Variants in CEP350 observed in about 807,000 individuals in gnomAD.
CEP350 encodes centrosomal protein 350.
A neutral mutation model predicts 331.8 loss-of-function variants in CEP350; 126 were observed. That is an observed-to-expected ratio of 0.38 (90% CI 0.33 to 0.44). The LOEUF is 0.44. Among genes scored for constraint, CEP350 ranks in the 20% least tolerant of loss-of-function variants. The probability of loss-of-function intolerance (pLI) is 1.00; values close to 1 mark genes in which losing one functional copy is unlikely to be tolerated. For missense variants in CEP350, 3,406 were observed against 3,634.6 expected (o/e 0.94, Z 1.62); for synonymous variants, 1,200 against 1,259.5 (o/e 0.95, Z 1.00).
chr1:179,976,673 A>G (rs1651893295), intron 1 of CEP350, among the ~76,000 whole-genome samples: 1 of 151,978 alleles, frequency 6.6e-6, no homozygotes, highest in Non-Finnish European at 1.5e-5. Context: ...AAAGAAATAT[A>G]TGAATGTAAG....
chr1:180,099,933 C>A (rs1370691731), intron 37 of CEP350, among the ~76,000 whole-genome samples: 1 of 151,976 alleles, frequency 6.6e-6, no homozygotes, highest in Non-Finnish European at 1.5e-5. Flanking sequence ...TTACAGGCAC[C>A]TGCAACCATG....
intron 16 of CEP350, among the ~76,000 whole-genome samples, chr1:180,034,851 A>G (rs147283405): frequency 3.3e-5 from 5 of 152,248 alleles, no homozygotes; most frequent in African/African-American, 4.8e-5. Flanking sequence ...TAACCCTACA[A>G]TGGTCTCTAA....
chr1:180,022,777 A>G lies in CEP350; in HGVS notation c.3315A>G (p.Ser1105=), dbSNP rs377126502. 54 of 1,608,160 alleles carry G rather than the reference A, an allele frequency of 3.4e-5. No individual in the cohort carries two copies. The highest frequency in any genetic ancestry group is 4.3e-5 in the Non-Finnish European group (51 of 1,176,888). ...CCGCAACTCCTCTAAGTGGTGTTTC[A>G]TATGAAGATGATTTTGTCTCCTCTC... The part of the protein sequence containing the change: ...NATATPLSGV[S]YEDDFVSSPG... Residue 1105 remains serine (S), a synonymous_variant, in exon 13 of 38, where the codon TCA becomes TCG. Transcript: ENST00000367607.
rs1324102382 is a variant in CEP350 at position 180,012,035 on chromosome 1, A to C, written c.1353A>C (p.Ala451=). 11 of 1,575,120 alleles carry C rather than the reference A, an allele frequency of 7.0e-6. No homozygotes were observed. The highest frequency in any genetic ancestry group is 9.5e-6 in the Non-Finnish European group (11 of 1,159,596). The change falls in exon 9 of 38, where the codon GCA becomes GCC. Residue 451 remains alanine, a synonymous_variant. Transcript: ENST00000367607. ...PRMEPKEQRT[A]SSDRGGRERT... ...TGGAGCCAAAAGAGCAAAGAACAGC[A>C]TCAAGTGACAGAGGTGGAAGAGAAA...
intron 5 of CEP350, among the ~76,000 whole-genome samples, chr1:179,995,610 CA>C (rs1259043302): frequency 2.0e-5 from 3 of 152,034 alleles, no homozygotes; most frequent in African/African-American, 7.2e-5. Flanking sequence ...TCTCAAAAAT[CA>C]ATCAATCAAT....
At chr1:180,028,550 G>A (rs559513991) in intron 14 of CEP350, among the ~76,000 whole-genome samples, 1 of 152,272 alleles carries the variant, frequency 6.6e-6, no homozygotes, top group African/African-American at 2.4e-5. Context: ...AGCATTTTGT[G>A]AGGCTGAGGT....
chr1:179,994,264 T>C (rs779766139), intron 5 of CEP350, among the ~76,000 whole-genome samples: 7 of 152,156 alleles, frequency 4.6e-5, no homozygotes, highest in Non-Finnish European at 7.3e-5. Context: ...ACATGGTACG[T>C]AACCTAACAT....
chr1:180,023,092 T>G (rs1427802699), intron 13 of CEP350, among the ~76,000 whole-genome samples: 1 of 152,166 alleles, frequency 6.6e-6, no homozygotes, highest in Admixed American at 6.5e-5. Context: ...TTCTGCTTCC[T>G]TCTCTGTAAA....
chr1:180,052,657 A>C (rs1657587031), intron 22 of CEP350, among the ~76,000 whole-genome samples: 1 of 152,160 alleles, frequency 6.6e-6, no homozygotes, highest in Non-Finnish European at 1.5e-5. Flanking sequence ...TTTCCTTTGT[A>C]AAGCATCTGA....
chr1:180,059,556 A>G (rs909766268), intron 25 of CEP350, among the ~76,000 whole-genome samples: 9 of 150,996 alleles, frequency 6.0e-5, no homozygotes, highest in African/African-American at 2.2e-4. Flanking sequence ...ATAATCAGAC[A>G]TCTTTGCTCG....
At chr1:180,019,125 G>T (rs1655157748) in intron 11 of CEP350, among the ~76,000 whole-genome samples, 1 of 152,072 alleles carries the variant, frequency 6.6e-6, no homozygotes, top group Non-Finnish European at 1.5e-5. Flanking sequence ...CCAAAGTGCT[G>T]GGATTACAGG....
chr1:180,095,762 C>T lies in CEP350; in HGVS notation c.8751C>T (p.Pro2917=). 3.1e-6 allele frequency: 5 copies of T among 1,613,942 alleles called. No individual in the cohort carries two copies. Among genetic ancestry groups the T allele is most frequent in the Non-Finnish European group, 4.2e-6 (5 of 1,179,884 alleles). ...QQPCETLLAV[P]HTAEEVEILV... ...CATGTGAAACATTATTGGCAGTCCCCCATACTGCAGAAGAAGTAGAGATTC... is the reference window on the plus strand; with the variant it reads ...CATGTGAAACATTATTGGCAGTCCCTCATACTGCAGAAGAAGTAGAGATTC... The change falls in exon 35 of 38, where the codon CCC becomes CCT. Residue 2917 remains proline, a synonymous_variant. Coordinates refer to ENST00000367607, the MANE Select transcript of CEP350 (RefSeq NM_014810.5).
chr1:180,060,739 C>T (rs1321698034), intron 25 of CEP350, among the ~76,000 whole-genome samples: 3 of 151,178 alleles, frequency 2.0e-5, no homozygotes, highest in Admixed American at 1.3e-4. Context: ...CATTAAAAGG[C>T]GTAAATTAGC....
rs764049536 is a variant in CEP350, at chr1:180,096,142, T to C, written c.9024T>C (p.Tyr3008=). 7.1e-5 allele frequency: 111 copies of C among 1,569,836 alleles called. 1 individual carries two copies. Among genetic ancestry groups the C allele is most frequent in the Admixed American group, 6.8e-4 (36 of 53,116 alleles). Residue 3008 remains tyrosine (Y), a synonymous_variant, in exon 36 of 38, where the codon TAT becomes TAC. Transcript: ENST00000367607. The part of the protein sequence containing the change: ...WMKPCRINSS[Y]FRRVKNPNNL... ...AGCCATGTAGAATCAACTCTAGTTATTTCCGACGAGTGAAAAATCCAAATA... is the reference window on the plus strand; with the variant it reads ...AGCCATGTAGAATCAACTCTAGTTACTTCCGACGAGTGAAAAATCCAAATA...
At chr1:180,009,203 T>A (rs138699274) in intron 8 of CEP350, among the ~76,000 whole-genome samples, 9 of 152,270 alleles carry the variant, frequency 5.9e-5, no homozygotes, top group African/African-American at 2.2e-4. Flanking sequence ...AGAAATGGGG[T>A]TTTGCCATGT....
chr1:180,083,961 G>C, intron 30 of CEP350, 57 bp from the exon 31 acceptor site: 1 of 859,448 alleles, frequency 1.2e-6, no homozygotes, highest in Non-Finnish European at 1.7e-6. Flanking sequence ...AGTAGTTACT[G>C]AGTTAACATT....
In CEP350 at chr1:180,031,364, G is replaced by A. The variant is rs1656008297; in HGVS notation, c.3595G>A (p.Glu1199Lys). The change falls in exon 15 of 38, where the codon GAG becomes AAG. Residue 1199 changes from glutamate (E) to lysine (K), a missense_variant. Glu to Lys is a moderately conservative substitution (Grantham distance 56). Transcript: ENST00000367607. Reference sequence around the variant, plus strand: ...AAATGTTCAGAACTCACTTCTTGATGAGGAAAAAGCAGAACGTGGCTCCCA... The same window carrying A: ...AAATGTTCAGAACTCACTTCTTGATAAGGAAAAAGCAGAACGTGGCTCCCA... Reference protein sequence around the residue: ...TGNVQNSLLDEEKAERGSHQG... With the variant: ...TGNVQNSLLDKEKAERGSHQG... 2 of 1,608,598 alleles carry A rather than the reference G, an allele frequency of 1.2e-6. No homozygotes were observed. The highest frequency in any genetic ancestry group is 1.1e-5 in the South Asian group (1 of 90,778).
At chr1:180,074,435 A>G (rs1558142408) in intron 27 of CEP350, among the ~76,000 whole-genome samples, 1 of 152,174 alleles carries the variant, frequency 6.6e-6, no homozygotes, top group Non-Finnish European at 1.5e-5. Flanking sequence ...TGTTCTCTCC[A>G]TGAAAAAAAA....
chr1:180,102,485 G>A (rs562204527), intron 37 of CEP350, among the ~76,000 whole-genome samples: 5 of 152,080 alleles, frequency 3.3e-5, no homozygotes, highest in African/African-American at 7.2e-5. Context: ...GGAATTATTA[G>A]CCATGTTTTA....
Sources: allele counts gnomAD v4.1 joint callset (sites outside exome capture counted in the v4.1 genomes callset), GRCh38; gene constraint gnomAD v4.1.1; transcripts MANE v1.5; gene names NCBI Gene and HGNC (gene_info 2026-07-23, HGNC 2026-07-21).